MYO3A: variants seen among roughly 807,000 people sequenced by gnomAD.
MYO3A encodes the protein myosin-IIIa.
MYO3A carries 180 observed loss-of-function variants against 192.7 expected under a neutral mutation model. The ratio of observed to expected loss-of-function variants is 0.93; its 90% confidence interval spans 0.83 to 1.06. MYO3A has a LOEUF of 1.06. MYO3A is among the 50% of genes least tolerant of loss of function. The pLI is 0.00. For synonymous variants in MYO3A, 628 were observed against 645.3 expected (o/e 0.97, Z 0.41); for missense variants, 1,896 against 1,905.0 (o/e 1.00, Z 0.09).
chr10:26,099,965 G>T (rs902888249), intron 17 of MYO3A, among the ~76,000 whole-genome samples: 1 of 152,258 alleles, frequency 6.6e-6, no homozygotes, highest in Non-Finnish European at 1.5e-5. Context: ...TCTATTGATA[G>T]GAATAATTTC....
chr10:25,987,167 A>G (rs1461127486), intron 4 of MYO3A, among the ~76,000 whole-genome samples: 2 of 152,218 alleles, frequency 1.3e-5, no homozygotes, highest in Admixed American at 1.3e-4. Context: ...CATATGGAAG[A>G]ATGAAACTGG....
chr10:26,075,932 A>G (rs1473699742), intron 14 of MYO3A, among the ~76,000 whole-genome samples: 1 of 151,402 alleles, frequency 6.6e-6, no homozygotes, highest in East Asian at 1.9e-4. Flanking sequence ...TGATTTTACG[A>G]TTGTAAATTG....
At chr10:25,974,398 A>G (rs999146040) in intron 4 of MYO3A, among the ~76,000 whole-genome samples, 1 of 152,130 alleles carries the variant, frequency 6.6e-6, no homozygotes, top group African/African-American at 2.4e-5. Context: ...GTAATTATCA[A>G]AATCTCACTC....
At chr10:26,078,936 G>A (rs1835759716) in intron 14 of MYO3A, among the ~76,000 whole-genome samples, 1 of 152,030 alleles carries the variant, frequency 6.6e-6, no homozygotes, top group African/African-American at 2.4e-5. Flanking sequence ...CTATCATATG[G>A]TCTATCTTGG....
At chr10:26,074,583 A>G (rs1419935912) in intron 14 of MYO3A, among the ~76,000 whole-genome samples, 7 of 147,584 alleles carry the variant, frequency 4.7e-5, no homozygotes, top group African/African-American at 1.7e-4. Context: ...TTTTATATAT[A>G]TATAAAATAT....
At chr10:26,181,771 C>A in intron 31 of MYO3A, among the ~76,000 whole-genome samples, 1 of 145,180 alleles carries the variant, frequency 6.9e-6, no homozygotes, top group Non-Finnish European at 1.5e-5. Flanking sequence ...GGCAATATGT[C>A]CAAAAAAAAA....
chr10:26,142,421 T>G (rs1228323633), intron 20 of MYO3A, among the ~76,000 whole-genome samples: 3 of 152,242 alleles, frequency 2.0e-5, no homozygotes, highest in African/African-American at 7.2e-5. Flanking sequence ...CAAGCCTTCA[T>G]GTCCCTTTTG....
chr10:26,139,559 AGT>A (rs1840037064), intron 20 of MYO3A, among the ~76,000 whole-genome samples: 1 of 152,180 alleles, frequency 6.6e-6, no homozygotes, highest in African/African-American at 2.4e-5. Flanking sequence ...GCAAGTTAGA[AGT>A]GTTTATTATT....
intron 20 of MYO3A, among the ~76,000 whole-genome samples, chr10:26,134,032 T>G (rs746335543): frequency 4.6e-5 from 7 of 152,170 alleles, no homozygotes; most frequent in Non-Finnish European, 1.0e-4. Context: ...GAATATAAAT[T>G]TGTAAAATCC....
chr10:25,977,490 T>C (rs1384499219), intron 4 of MYO3A, among the ~76,000 whole-genome samples: 1 of 152,176 alleles, frequency 6.6e-6, no homozygotes, highest in African/African-American at 2.4e-5. Context: ...GATACAGCCA[T>C]AGTCAAGCAG....
chr10:26,007,770 G>A (rs1342372100), intron 6 of MYO3A, among the ~76,000 whole-genome samples: 3 of 150,786 alleles, frequency 2.0e-5, no homozygotes, highest in Admixed American at 6.6e-5. Context: ...ATGCTCATGG[G>A]TAGGAAGAAT....
At chr10:26,007,619 A>G (rs1388868243) in intron 6 of MYO3A, among the ~76,000 whole-genome samples, 1 of 151,968 alleles carries the variant, frequency 6.6e-6, no homozygotes, top group East Asian at 1.9e-4. Context: ...TCATGAGTGA[A>G]CTCCCATTCA....
At chr10:26,135,791 C>T (rs1006711160) in intron 20 of MYO3A, among the ~76,000 whole-genome samples, 1 of 151,828 alleles carries the variant, frequency 6.6e-6, no homozygotes, top group Admixed American at 6.6e-5. Context: ...CATGGCGACA[C>T]CTCATCTCTA....
chr10:26,123,982 G>A (rs555726827), intron 18 of MYO3A, among the ~76,000 whole-genome samples: 3 of 151,892 alleles, frequency 2.0e-5, no homozygotes, highest in South Asian at 4.2e-4. Flanking sequence ...CCAGGAGTTC[G>A]AGGCCAGCCT....
chr10:26,125,983 G>T (rs1484755180), intron 19 of MYO3A, among the ~76,000 whole-genome samples: 1 of 151,852 alleles, frequency 6.6e-6, no homozygotes, highest in Non-Finnish European at 1.5e-5. Context: ...TTTTTATTTT[G>T]AAGGTTTAAA....
rs762833557 is a variant in MYO3A at position 26,145,575 on chromosome 10, C to T, written c.2505+41C>T. On this transcript the variant is annotated intron_variant, in intron 22 of 34. Coordinates refer to ENST00000642920, the MANE Select transcript of MYO3A (RefSeq NM_017433.5). ...AATTATGACTGAGTTTCTCCTTAGC[C>T]TTTTAATGAATAATAGGATAGACAT... is the stretch of plus-strand genomic sequence containing the variant. The T allele has an allele frequency of 2.1e-5, 29 of 1,400,294 alleles. No individual in the cohort carries two copies. The Admixed American group carries it at 4.4e-4, about 21-fold the overall frequency. 86.7% of individuals were successfully genotyped at this position (1,400,294 alleles called of 1,614,324 possible).
At chr10:26,143,634 T>C in intron 21 of MYO3A, 33 bp downstream of exon 21, 1 of 1,610,544 alleles carries the variant, frequency 6.2e-7, no homozygotes, top group Non-Finnish European at 8.5e-7. Context: ...CTGCATGGTT[T>C]TATGAATAGA....
At chr10:26,010,457 T>TG (rs1346756207) in intron 6 of MYO3A, among the ~76,000 whole-genome samples, 2 of 131,812 alleles carry the variant, frequency 1.5e-5, no homozygotes, top group African/African-American at 3.1e-5. Context: ...GTTGTTTTTT[T>TG]TTTTTTTTTT....
At chr10:26,017,254 C>G (rs1207855151) in intron 7 of MYO3A, among the ~76,000 whole-genome samples, 1 of 152,130 alleles carries the variant, frequency 6.6e-6, no homozygotes, top group Non-Finnish European at 1.5e-5. Context: ...GAACCCCTAG[C>G]CTTTGTGGGA....
Sources: allele counts gnomAD v4.1 joint callset (sites outside exome capture counted in the v4.1 genomes callset), GRCh38; gene constraint gnomAD v4.1.1; transcripts MANE v1.5; gene names NCBI Gene and HGNC (gene_info 2026-07-23, HGNC 2026-07-21).